Variants in PDE4D observed in about 807,000 individuals in gnomAD.
PDE4D encodes the protein phosphodiesterase 4D, also known as 3',5'-cyclic-AMP phosphodiesterase 4D.
Under a neutral mutation model 87.4 loss-of-function variants are expected in PDE4D, and 24 were observed. The observed-to-expected ratio is 0.27, with a 90% confidence interval of 0.20 to 0.39. The LOEUF is 0.39. Ranked by LOEUF, PDE4D falls within the 10% of genes least tolerant of loss-of-function variation. PDE4D has a pLI of 1.00. For synonymous variants in PDE4D, 384 were observed against 383.2 expected (o/e 1.00, Z -0.02); for missense variants, 714 against 1,041.0 (o/e 0.69, Z 4.32).
At chr5:59,551,011 T>C (rs898238229) in intron 1 of PDE4D, among the ~76,000 whole-genome samples, 1 of 152,250 alleles carries the variant, frequency 6.6e-6, no homozygotes, top group South Asian at 2.1e-4. Flanking sequence ...CTAAGGATTT[T>C]TAAGACATTA....
intron 1 of PDE4D, among the ~76,000 whole-genome samples, chr5:59,838,251 AAG>A (rs1742442136): frequency 6.6e-6 from 1 of 152,046 alleles, no homozygotes; most frequent in Admixed American, 6.6e-5. Context: ...ACGTGGCACT[AAG>A]CAGAACCCTA....
chr5:60,126,418 A>AT (rs1013150593), intron 2 of PDE4D, among the ~76,000 whole-genome samples: 2 of 152,166 alleles, frequency 1.3e-5, no homozygotes, highest in South Asian at 2.1e-4. Flanking sequence ...TATTACATAG[A>AT]TTTTTTATCT....
intron 1 of PDE4D, among the ~76,000 whole-genome samples, chr5:60,504,262 AT>A (rs5868243): frequency 6.0e-5 from 9 of 148,808 alleles, no homozygotes; most frequent in Admixed American, 1.3e-4. Context: ...GTCTTTATGC[AT>A]TTTTTTTTTG....
intron 2 of PDE4D, among the ~76,000 whole-genome samples, chr5:60,061,885 C>G (rs1390432541): frequency 6.6e-6 from 1 of 152,042 alleles, no homozygotes; most frequent in Admixed American, 6.6e-5. Context: ...GAAAGTGGAC[C>G]CCTTCCTTAC....
chr5:59,862,139 G>A lies in PDE4D; in HGVS notation c.455+31029C>T, dbSNP rs551862408. On this transcript the variant is annotated intron_variant, in intron 1 of 14. Transcript: ENST00000340635. ...CCTGAGTGTTAATGCCTAACTGGCC[G>A]CTCCTACTCTTCCAGGACATTCCCA... 6.6e-5 allele frequency among the ~76,000 whole-genome samples: 10 copies of A among 152,088 alleles called. No homozygotes were observed. The East Asian group carries it at 1.5e-3, about 24-fold the overall frequency.
intron 2 of PDE4D, among the ~76,000 whole-genome samples, chr5:60,110,707 T>C (rs530022017): frequency 1.6e-4 from 24 of 152,238 alleles, no homozygotes; most frequent in African/African-American, 5.5e-4. Context: ...TACCATCATG[T>C]TTATTGCGGC....
chr5:59,518,666 G>T (rs1479289612), intron 1 of PDE4D, among the ~76,000 whole-genome samples: 1 of 152,000 alleles, frequency 6.6e-6, no homozygotes, highest in Non-Finnish European at 1.5e-5. Context: ...TGGCTGAAGG[G>T]GTCACTTATC....
chr5:59,684,935 T>C (rs1182118919), intron 1 of PDE4D, among the ~76,000 whole-genome samples: 2 of 152,222 alleles, frequency 1.3e-5, no homozygotes, highest in Admixed American at 6.5e-5. Flanking sequence ...GCTTTGACGT[T>C]TCCCTCAGCC....
In PDE4D at chr5:60,020,528, T is replaced by C. The variant is rs187788331; in HGVS notation, c.43-31811A>G. 5.5e-3 allele frequency among the ~76,000 whole-genome samples: 834 copies of C among 152,254 alleles called. 10 individuals carry two copies. The highest frequency in any genetic ancestry group is 0.019 in the African/African-American group (804 of 41,518). The stretch of plus-strand genomic sequence containing the variant: ...TACACACACAAACATACAGGCTGTA[T>C]GTATACATATACACACACACAGCCT... On this transcript the variant is annotated intron_variant, in intron 2 of 16. Coordinates refer to the PDE4D transcript ENST00000502484.
At chr5:60,058,804 C>T (rs768466390) in intron 2 of PDE4D, among the ~76,000 whole-genome samples, 21 of 151,818 alleles carry the variant, frequency 1.4e-4, no homozygotes, top group Non-Finnish European at 2.4e-4. Context: ...GTCACTCATA[C>T]GAGAGATACC....
At chr5:59,308,337 A>C (rs906330549) in intron 1 of PDE4D, among the ~76,000 whole-genome samples, 1 of 149,202 alleles carries the variant, frequency 6.7e-6, no homozygotes, top group Non-Finnish European at 1.5e-5. Context: ...ATAATAATTT[A>C]AAAAAAAAAG....
chr5:59,068,900 A>G (rs1380072978), intron 5 of PDE4D, among the ~76,000 whole-genome samples: 1 of 152,122 alleles, frequency 6.6e-6, no homozygotes, highest in African/African-American at 2.4e-5. Flanking sequence ...TCAAATTGTA[A>G]TTATTATAAT....
intron 1 of PDE4D, among the ~76,000 whole-genome samples, chr5:59,566,767 G>T (rs1344036050): frequency 6.6e-6 from 1 of 152,022 alleles, no homozygotes; most frequent in Admixed American, 6.5e-5. Flanking sequence ...TCAGGGTGTG[G>T]TACAAGGTTA....
intron 5 of PDE4D, among the ~76,000 whole-genome samples, chr5:59,071,770 T>C (rs1334662098): frequency 7.9e-6 from 1 of 126,248 alleles, no homozygotes; most frequent in African/African-American, 3.0e-5. Context: ...CACTGCAACC[T>C]CCATCTCCTG....
chr5:59,583,714 C>A (rs896818817), intron 1 of PDE4D, among the ~76,000 whole-genome samples: 2 of 152,280 alleles, frequency 1.3e-5, no homozygotes, highest in South Asian at 2.1e-4. Context: ...ATCAACACAC[C>A]AGCCCTAGGG....
intron 1 of PDE4D, among the ~76,000 whole-genome samples, chr5:59,612,978 A>G (rs1458934874): frequency 6.6e-6 from 1 of 152,180 alleles, no homozygotes; most frequent in African/African-American, 2.4e-5. Context: ...GGAAAATCAG[A>G]AGTTACTGAA....
At chr5:60,071,333 G>T (rs1772694345) in intron 2 of PDE4D, among the ~76,000 whole-genome samples, 1 of 151,848 alleles carries the variant, frequency 6.6e-6, no homozygotes, top group Non-Finnish European at 1.5e-5. Context: ...CAAATGGGAT[G>T]CATTCTTTAA....
intron 1 of PDE4D, among the ~76,000 whole-genome samples, chr5:59,727,787 C>T (rs1023901786): frequency 1.3e-5 from 2 of 152,006 alleles, no homozygotes; most frequent in African/African-American, 4.8e-5. Flanking sequence ...CTCAAAAGTT[C>T]AAGAGAATAA....
intron 1 of PDE4D, among the ~76,000 whole-genome samples, chr5:60,328,066 C>A (rs1388897948): frequency 6.6e-6 from 1 of 152,114 alleles, no homozygotes. Flanking sequence ...CCTATTTTCA[C>A]AAAAGTACAA....
Sources: gnomAD v4.1 joint callset for allele counts (sites outside exome capture counted in the v4.1 genomes callset) on GRCh38, gnomAD v4.1.1 for gene constraint, MANE v1.5 for transcripts, NCBI Gene and HGNC (gene_info 2026-07-23, HGNC 2026-07-21) for gene names.